Variants in TBC1D5 observed in about 807,000 individuals in gnomAD.
TBC1D5 encodes the protein TBC1 domain family, member 5.
TBC1D5 carries 75 observed loss-of-function variants against 100.3 expected under a neutral mutation model. That is an observed-to-expected ratio of 0.75 (90% CI 0.62 to 0.91). The LOEUF (loss-of-function observed/expected upper bound fraction) is 0.91, where lower values mean the gene tolerates loss of function less well. Among genes scored for constraint, TBC1D5 ranks in the 40% least tolerant of loss-of-function variants. The pLI is 0.00. For missense variants in TBC1D5, 910 were observed against 942.4 expected (o/e 0.97, Z 0.45); for synonymous variants, 323 against 325.6 (o/e 0.99, Z 0.09).
At chr3:17,507,813 CA>C (rs2095859482) in intron 3 of TBC1D5, among the ~76,000 whole-genome samples, 1 of 152,058 alleles carries the variant, frequency 6.6e-6, no homozygotes, top group Non-Finnish European at 1.5e-5. Flanking sequence ...CAAAAATTCT[CA>C]CAAACTCAAT....
intron 4 of TBC1D5, 86 bp from the exon 5 acceptor site, chr3:17,406,612 T>C (rs1322233687): frequency 7.7e-7 from 1 of 1,295,916 alleles, no homozygotes; most frequent in Non-Finnish European, 1.1e-6. Context: ...TAATTTTAAG[T>C]AAGTCTAAAA....
At chr3:17,707,383 TGTTA>T (rs998210965) in intron 1 of TBC1D5, among the ~76,000 whole-genome samples, 4 of 152,154 alleles carry the variant, frequency 2.6e-5, no homozygotes, top group Non-Finnish European at 4.4e-5. Context: ...ATTCAAAAAA[TGTTA>T]GTTAACAAGA....
At chr3:17,547,667 A>C (rs188965776) in intron 2 of TBC1D5, among the ~76,000 whole-genome samples, 14 of 152,340 alleles carry the variant, frequency 9.2e-5, no homozygotes, top group African/African-American at 2.9e-4. Context: ...ATGAAAAATC[A>C]AAAGCCAATG....
intron 1 of TBC1D5, among the ~76,000 whole-genome samples, chr3:17,703,915 T>G (rs796677209): frequency 1.6e-4 from 6 of 37,456 alleles, no homozygotes; most frequent in South Asian, 1.5e-3. Flanking sequence ...TTTTTTTTTG[T>G]TTTTTTTTTT....
At chr3:17,581,108 C>A (rs574953168) in intron 2 of TBC1D5, among the ~76,000 whole-genome samples, 1 of 152,204 alleles carries the variant, frequency 6.6e-6, no homozygotes, top group African/African-American at 2.4e-5. Flanking sequence ...GTGAGTAAGT[C>A]TCATGAGATC....
At chr3:17,299,835 G>A (rs577143176) in intron 14 of TBC1D5, among the ~76,000 whole-genome samples, 2 of 127,534 alleles carry the variant, frequency 1.6e-5, no homozygotes, top group East Asian at 4.5e-4. Flanking sequence ...CTCCAGCCTG[G>A]ACGACAGAGC....
intron 1 of TBC1D5, among the ~76,000 whole-genome samples, chr3:17,723,722 T>C (rs1202766706): frequency 6.6e-6 from 1 of 152,156 alleles, no homozygotes; most frequent in East Asian, 1.9e-4. Flanking sequence ...AATTAATGCA[T>C]AAAATACATG....
intron 13 of TBC1D5, among the ~76,000 whole-genome samples, chr3:17,326,878 A>C (rs2086219898): frequency 6.6e-6 from 1 of 152,200 alleles, no homozygotes; most frequent in South Asian, 2.1e-4. Context: ...TCAACCCTCT[A>C]GTTGCTCAGG....
chr3:17,492,236 T>C (rs1467889818), intron 3 of TBC1D5, among the ~76,000 whole-genome samples: 2 of 152,180 alleles, frequency 1.3e-5, no homozygotes, highest in African/African-American at 4.8e-5. Flanking sequence ...AACCAGCTCC[T>C]GGATTCACTG....
intron 1 of TBC1D5, among the ~76,000 whole-genome samples, chr3:17,649,967 A>T (rs2065381860): frequency 6.6e-6 from 1 of 152,232 alleles, no homozygotes; most frequent in Non-Finnish European, 1.5e-5. Context: ...GCAGCCATAA[A>T]AAAGGATGAG....
chr3:17,238,325 C>T, exon 17 of TBC1D5: 1 of 1,613,980 alleles, frequency 6.2e-7, no homozygotes, highest in Middle Eastern at 1.7e-4. Context: ...CCTGCACTGC[C>T]TGGAGCCATT....
intron 13 of TBC1D5, among the ~76,000 whole-genome samples, chr3:17,363,703 T>A (rs1358672450): frequency 2.0e-5 from 3 of 151,994 alleles, no homozygotes; most frequent in Admixed American, 1.3e-4. Flanking sequence ...ATGAGCCACC[T>A]AATTTCTGTT....
rs577819597 is a variant in TBC1D5, at chr3:17,247,014, T to C, written c.1332-8595A>G. ...CAATGGGATGTATGGTAAACACCTG[T>C]TTTTTTTCACCTGGGTCCTGGGTCA... is the stretch of plus-strand genomic sequence containing the variant. On this transcript the variant is annotated intron_variant, in intron 16 of 21. Transcript: ENST00000253692. Among the ~76,000 whole-genome samples, 9 of 151,970 alleles carry C rather than the reference T, an allele frequency of 5.9e-5. No individual in the cohort carries two copies. In the East Asian group the frequency reaches 1.7e-3, roughly 29 times the overall value.
At chr3:17,633,885 T>C (rs1235818292) in intron 1 of TBC1D5, among the ~76,000 whole-genome samples, 2 of 152,218 alleles carry the variant, frequency 1.3e-5, no homozygotes, top group Non-Finnish European at 2.9e-5. Flanking sequence ...ATAGTTAATA[T>C]TATTTCACAC....
At chr3:17,233,645 GCAAAGAAA>G in intron 17 of TBC1D5, 32 bp downstream of exon 18, 1 of 1,235,098 alleles carries the variant, frequency 8.1e-7, no homozygotes, top group Non-Finnish European at 1.1e-6. Context: ...AATACTGTAG[GCAAAGAAA>G]AAGAAACACT....
chr3:17,666,399 T>C (rs2067256228), intron 1 of TBC1D5, among the ~76,000 whole-genome samples: 2 of 152,186 alleles, frequency 1.3e-5, no homozygotes, highest in South Asian at 4.1e-4. Context: ...ACCTCTAGCA[T>C]TCTGAATTAC....
intron 3 of TBC1D5, among the ~76,000 whole-genome samples, chr3:17,444,541 T>C (rs1420171077): frequency 6.6e-6 from 1 of 152,078 alleles, no homozygotes; most frequent in Non-Finnish European, 1.5e-5. Flanking sequence ...ATTTAGCTGT[T>C]CTAAATAACA....
rs1323036923 is a variant in TBC1D5, at chr3:17,383,326, C to T, written c.612+587G>A. ...AAGTGTGTGTATTTTTATTAGAACA[C>T]CATAAACTTAAATAAAAAATGTAAA... is the stretch of plus-strand genomic sequence containing the variant. On this transcript the variant is annotated intron_variant, in intron 9 of 21. Coordinates refer to ENST00000253692, the Ensembl canonical transcript of TBC1D5. Among the ~76,000 whole-genome samples the T allele has an allele frequency of 2.0e-5, 3 of 151,188 alleles. No individual in the cohort carries two copies. In the East Asian group the frequency reaches 5.8e-4, roughly 29 times the overall value.
chr3:17,575,768 T>A (rs933271385), intron 2 of TBC1D5, among the ~76,000 whole-genome samples: 1 of 152,208 alleles, frequency 6.6e-6, no homozygotes, highest in South Asian at 2.1e-4. Context: ...AAACTATGAA[T>A]GTAAATAAGA....
Sources: gnomAD v4.1 joint callset for allele counts (sites outside exome capture counted in the v4.1 genomes callset) on GRCh38, gnomAD v4.1.1 for gene constraint, MANE v1.5 for transcripts, NCBI Gene and HGNC (gene_info 2026-07-23, HGNC 2026-07-21) for gene names.